Variants in SAXO1 observed in about 807,000 individuals in gnomAD.
The protein encoded by SAXO1 is 4930500O09Rik.
Under a neutral mutation model 17.5 loss-of-function variants are expected in SAXO1, and 21 were observed. The observed-to-expected ratio is 1.20, with a 90% CI of 0.85 to 1.72. The LOEUF (loss-of-function observed/expected upper bound fraction) is 1.72, where lower values mean the gene tolerates loss of function less well. Among genes scored for constraint, SAXO1 ranks in the 40% most tolerant of loss-of-function variants. SAXO1 has a pLI of 0.00. For missense variants in SAXO1, 843 were observed against 596.0 expected, an observed-to-expected ratio of 1.41 and a Z score of -4.32; for synonymous variants, 274 against 216.5, an observed-to-expected ratio of 1.27 and a Z score of -2.33.
rs1835597175 is a variant in SAXO1, at chr9:19,028,268, C to G, written c.38+4603G>C. On this transcript the variant is annotated intron_variant, in intron 1 of 3. Transcript: ENST00000380534. ...GCGGGCGCCTGTAATCCCAGCTGCT[C>G]GGGAGGCTGAGGCAGGAGAATCGCT... is the stretch of plus-strand genomic sequence containing the variant. 4.6e-6 allele frequency: 3 copies of G among 657,898 alleles called. No homozygotes were observed. In the South Asian group the frequency reaches 5.7e-5, roughly 13 times the overall value. 40.8% of individuals were successfully genotyped at this position (657,898 alleles called of 1,614,324 possible).
rs184334233 is a variant in SAXO1, at chr9:19,015,235, G to A, written c.38+17636C>T. On this transcript the variant is annotated intron_variant, in intron 1 of 3. Coordinates refer to ENST00000380534, the MANE Select transcript of SAXO1 (RefSeq NM_153707.4). ...GCCCGGAGTACAATGGCATGATCATGGCTTACCGCAGCCTCAAGCTCCTGG... is the reference window on the plus strand; with the variant it reads ...GCCCGGAGTACAATGGCATGATCATAGCTTACCGCAGCCTCAAGCTCCTGG... Among the ~76,000 whole-genome samples, 16 of 152,284 alleles carry A rather than the reference G, an allele frequency of 1.1e-4. No homozygotes were observed. The East Asian group carries it at 2.9e-3, about 27-fold the overall frequency.
intron 1 of SAXO1, among the ~76,000 whole-genome samples, chr9:19,020,632 T>C (rs150739246): frequency 1.3e-5 from 2 of 152,344 alleles, no homozygotes; most frequent in Non-Finnish European, 2.9e-5. Flanking sequence ...ATGCTAGGAT[T>C]ACAGGTGTGA....
At chr9:18,977,385 C>T (rs895258471) in intron 1 of SAXO1, among the ~76,000 whole-genome samples, 1 of 152,086 alleles carries the variant, frequency 6.6e-6, no homozygotes, top group African/African-American at 2.4e-5. Context: ...AGCTTTTGTG[C>T]TTATTAACTT....
chr9:19,031,888 GC>G (rs1835790783), intron 1 of SAXO1, among the ~76,000 whole-genome samples: 1 of 152,104 alleles, frequency 6.6e-6, no homozygotes, highest in Admixed American at 6.6e-5. Flanking sequence ...TTTTTAGAGT[GC>G]CCTTTAATTC....
chr9:19,010,555 A>C (rs1055687513), intron 1 of SAXO1, among the ~76,000 whole-genome samples: 1 of 151,952 alleles, frequency 6.6e-6, no homozygotes, highest in Non-Finnish European at 1.5e-5. Context: ...TGACCACCCG[A>C]AACAGTGAAG....
At chr9:18,953,809 T>C (rs10511664) in intron 1 of SAXO1, among the ~76,000 whole-genome samples, 21,619 of 152,208 alleles carry the variant, frequency 0.14, 3,149 homozygotes, top group African/African-American at 0.37. Flanking sequence ...TGTAAGAGGA[T>C]GATCTGCTAA....
Position 18,928,651 on chromosome 9 carries a change from C to A in SAXO1, c.826G>T (p.Asp276Tyr). ...MPFCNTTEFRDKYQAWPMPRM... is the reference protein window; with the variant it reads ...MPFCNTTEFRYKYQAWPMPRM... ...GGCATTGGCCAAGCTTGGTACTTAT[C>A]TCGAAACTCAGTGGTGTTACAGAAA... is the stretch of plus-strand genomic sequence containing the variant. The change falls in exon 4 of 4, where the codon GAT becomes TAT. Residue 276 changes from aspartate (D) to tyrosine (Y), a missense_variant. Coordinates refer to ENST00000380534, the MANE Select transcript of SAXO1 (RefSeq NM_153707.4). The A allele has an allele frequency of 6.2e-7, 1 of 1,614,104 alleles. No homozygotes were observed. Among genetic ancestry groups the A allele is most frequent in the Non-Finnish European group, 8.5e-7 (1 of 1,180,028 alleles).
At chr9:18,937,990 T>C (rs1194755839) in intron 3 of SAXO1, among the ~76,000 whole-genome samples, 1 of 152,236 alleles carries the variant, frequency 6.6e-6, no homozygotes, top group Non-Finnish European at 1.5e-5. Context: ...AGCTACATAC[T>C]GATTTGTTTT....
chr9:18,932,043 C>T lies in SAXO1; in HGVS notation c.422-2988G>A, dbSNP rs75504555. Reference sequence around the variant, plus strand: ...TTCTTAATGGTGTCTTTCTAAGTGCCCAAAGGTTTTGAATTGCGATAAAGT... The same window carrying T: ...TTCTTAATGGTGTCTTTCTAAGTGCTCAAAGGTTTTGAATTGCGATAAAGT... On this transcript the variant is annotated intron_variant, in intron 3 of 3. Transcript: ENST00000380534. Among the ~76,000 whole-genome samples, 419 of 152,202 alleles carry T rather than the reference C, an allele frequency of 2.8e-3. 3 individuals are homozygous for T. Among genetic ancestry groups the T allele is most frequent in the Non-Finnish European group, 4.7e-3 (318 of 68,002 alleles).
At chr9:18,984,704 C>T (rs1301910913) in intron 1 of SAXO1, among the ~76,000 whole-genome samples, 3 of 152,222 alleles carry the variant, frequency 2.0e-5, no homozygotes, top group Admixed American at 2.0e-4. Flanking sequence ...AATGTTGTGG[C>T]TGCTAAAACT....
intron 1 of SAXO1, among the ~76,000 whole-genome samples, chr9:19,016,798 C>CTTT (rs34423268): frequency 9.9e-5 from 11 of 111,288 alleles, no homozygotes; most frequent in Non-Finnish European, 1.3e-4. Flanking sequence ...TAACATCTGA[C>CTTT]TTTTTTTTTT....
rs79551085 is a variant in SAXO1, at chr9:18,984,936, T to C, written c.39-33999A>G. ...GTTTTGAGCTGTTGATTTAAAGTGA[T>C]AGAGGTGCGACTCTTCCTTTCACAT... On this transcript the variant is annotated intron_variant, in intron 1 of 3. Coordinates refer to ENST00000380534, the MANE Select transcript of SAXO1 (RefSeq NM_153707.4). 6.7e-3 allele frequency among the ~76,000 whole-genome samples: 1,025 copies of C among 152,274 alleles called. 8 individuals carry two copies. The highest frequency in any genetic ancestry group is 0.024 in the African/African-American group (977 of 41,558).
chr9:18,980,886 T>A (rs1216623351), intron 1 of SAXO1, among the ~76,000 whole-genome samples: 1 of 151,966 alleles, frequency 6.6e-6, no homozygotes, highest in East Asian at 1.9e-4. Flanking sequence ...CTTGGTATGT[T>A]ACCTTCCATT....
At chr9:19,027,459 G>A in intron 1 of SAXO1, 2 of 774,846 alleles carry the variant, frequency 2.6e-6, no homozygotes, top group Non-Finnish European at 2.4e-6. Context: ...TCTTGTCAAT[G>A]AACCACAAGG....
chr9:18,928,506 G>A lies in SAXO1; in HGVS notation c.971C>T (p.Pro324Leu). Reference protein sequence around the residue: ...PKGAPAQSCRPALQIKKCGRF... With the variant: ...PKGAPAQSCRLALQIKKCGRF... ...ACCGCACTTCTTAATCTGAAGTGCA[G>A]GTCGGCAGGACTGAGCTGGGGCACC... Residue 324 changes from proline (P) to leucine (L), a missense_variant, in exon 4 of 4, where the codon CCT becomes CTT. Coordinates refer to ENST00000380534, the MANE Select transcript of SAXO1 (RefSeq NM_153707.4). 2 of 1,613,950 alleles carry A rather than the reference G, an allele frequency of 1.2e-6. No homozygotes were observed. Among genetic ancestry groups the A allele is most frequent in the South Asian group, 1.1e-5 (1 of 91,026 alleles).
intron 1 of SAXO1, among the ~76,000 whole-genome samples, chr9:18,993,219 G>C (rs1833877127): frequency 6.6e-6 from 1 of 151,910 alleles, no homozygotes; most frequent in African/African-American, 2.4e-5. Flanking sequence ...CGTCATCTAG[G>C]TTTTAAGCCC....
intron 3 of SAXO1, among the ~76,000 whole-genome samples, chr9:18,931,575 A>T (rs996981828): frequency 1.3e-5 from 2 of 152,244 alleles, no homozygotes; most frequent in African/African-American, 4.8e-5. Context: ...TAGCTTTTTA[A>T]AAAAGATACT....
Position 18,930,213 on chromosome 9 carries a change from T to C in SAXO1, c.422-1158A>G, listed in dbSNP as rs62550766. Reference sequence around the variant, plus strand: ...CAGGAGGAAAAGAACTTCAGAATGTTTGAAGAATGAGAAGAACTGGCCAAT... The same window carrying C: ...CAGGAGGAAAAGAACTTCAGAATGTCTGAAGAATGAGAAGAACTGGCCAAT... On this transcript the variant is annotated intron_variant, in intron 3 of 3. Coordinates refer to ENST00000380534, the MANE Select transcript of SAXO1 (RefSeq NM_153707.4). Among the ~76,000 whole-genome samples the C allele has an allele frequency of 3.6e-3, 556 of 152,338 alleles. 1 individual carries two copies. Among genetic ancestry groups the C allele is most frequent in the African/African-American group, 8.1e-3 (336 of 41,590 alleles).
chr9:18,958,995 T>C (rs1469620998), intron 1 of SAXO1, among the ~76,000 whole-genome samples: 5 of 152,164 alleles, frequency 3.3e-5, no homozygotes, highest in African/African-American at 1.2e-4. Flanking sequence ...AAGAAACGAC[T>C]TTTATATGTT....
Sources: allele counts gnomAD v4.1 joint callset (sites outside exome capture counted in the v4.1 genomes callset), GRCh38; gene constraint gnomAD v4.1.1; transcripts MANE v1.5; gene names NCBI Gene and HGNC (gene_info 2026-07-23, HGNC 2026-07-21).